Variants in ZNF667 observed in about 807,000 individuals in gnomAD.
ZNF667 encodes the protein zinc finger protein 667.
Under a neutral mutation model 31.8 loss-of-function variants are expected in ZNF667, and 13 were observed. That is an observed-to-expected ratio of 0.41 (90% CI 0.27 to 0.65). The LOEUF is 0.65. Among genes scored for constraint, ZNF667 ranks in the 30% least tolerant of loss-of-function variants. The pLI, the probability that ZNF667 is intolerant of heterozygous loss-of-function variation, is 0.32. For missense variants in ZNF667, 642 were observed against 725.6 expected, an observed-to-expected ratio of 0.88 and a Z score of 1.32; for synonymous variants, 228 against 247.1, an observed-to-expected ratio of 0.92 and a Z score of 0.73.
At chr19:56,447,676 T>C (rs924881314) in intron 6 of ZNF667, among the ~76,000 whole-genome samples, 2 of 149,604 alleles carry the variant, frequency 1.3e-5, no homozygotes, top group African/African-American at 4.9e-5. Context: ...AGGTCAGGAG[T>C]TCAAGACTAT....
At chr19:56,468,951 T>C (rs1280172159) in intron 3 of ZNF667, 1 of 152,170 alleles carries the variant, frequency 6.6e-6, no homozygotes, top group Non-Finnish European at 1.5e-5. Context: ...AGAGAATAAA[T>C]GAGTGTAGCT....
At chr19:56,444,339 A>G in intron 6 of ZNF667, 1 of 397,954 alleles carries the variant, frequency 2.5e-6, no homozygotes, top group Non-Finnish European at 4.4e-6. Flanking sequence ...AAACAAGGAG[A>G]GAGAGTGTGG....
chr19:56,474,582 G>T (rs66718632), intron 1 of ZNF667: 20,810 of 152,368 alleles, frequency 0.14, 1,485 homozygotes, highest in Middle Eastern at 0.17. Flanking sequence ...CAGCTGTGAG[G>T]ACTGTTTTTG....
intron 3 of ZNF667, among the ~76,000 whole-genome samples, chr19:56,464,641 T>C (rs893577668): frequency 3.9e-5 from 6 of 152,240 alleles, no homozygotes; most frequent in South Asian, 2.1e-4. Flanking sequence ...TCTTATTGTA[T>C]TGCCCCATTT....
intron 6 of ZNF667, among the ~76,000 whole-genome samples, chr19:56,451,133 GA>G (rs958822627): frequency 3.8e-4 from 58 of 151,352 alleles, no homozygotes; most frequent in African/African-American, 9.9e-4. Flanking sequence ...TAAAGGGAGG[GA>G]AAAAAAATCC....
At position 56,441,759 on chromosome 19, in the gene ZNF667, CT is replaced by C; in HGVS notation, c.1235del (p.Lys412ArgfsTer187). ...CACATTCCTTACACTCAAATAGTTT[CT>C]TTTTCTTTGTATGAACTTTCTGATG... ...IQHQKVHTKK[K>X]KLFECKECGK... On this transcript the variant is annotated frameshift_variant, in exon 7 of 7. Coordinates refer to ENST00000504904, the MANE Select transcript of ZNF667 (RefSeq NM_001321356.2). LOFTEE classifies it high-confidence loss of function. This position sits in a 1 kb window ranked among gnomAD's most constrained non-coding sequence, Gnocchi z 4.2. 6.2e-7 allele frequency: 1 copy of C among 1,614,018 alleles called. No individual in the cohort carries two copies. The highest frequency in any genetic ancestry group is 1.1e-5 in the South Asian group (1 of 91,064).
intron 3 of ZNF667, among the ~76,000 whole-genome samples, chr19:56,469,140 C>T (rs1205062787): frequency 1.3e-5 from 2 of 152,138 alleles, no homozygotes; most frequent in Non-Finnish European, 2.9e-5. Flanking sequence ...ATGAAGAGGT[C>T]GGCTGGTGAT....
chr19:56,471,267 T>C (rs1441920615), intron 3 of ZNF667, among the ~76,000 whole-genome samples: 2 of 152,182 alleles, frequency 1.3e-5, no homozygotes, highest in Non-Finnish European at 2.9e-5. Context: ...CTATGTTTCC[T>C]GTACAACCTG....
intron 6 of ZNF667, among the ~76,000 whole-genome samples, chr19:56,445,996 A>T (rs1019095847): frequency 2.0e-5 from 3 of 152,162 alleles, no homozygotes; most frequent in Non-Finnish European, 4.4e-5. Context: ...TCCAACACTG[A>T]GGATTAAATT....
At chr19:56,478,003 T>A (rs943772671), upstream of ZNF667, 2 of 152,424 alleles carry the variant, frequency 1.3e-5, no homozygotes, top group African/African-American at 4.8e-5. Context: ...AGCGGAGGGA[T>A]GTTTCTTTTG....
chr19:56,440,638 T>TG lies in ZNF667; in HGVS notation c.*523_*524insC. ...AACTATGCTGGAAGTAAAATATCGGTAATTTTTTTTTTTTTTGACACAGAG... is the reference window on the plus strand; with the variant it reads ...AACTATGCTGGAAGTAAAATATCGGTGAATTTTTTTTTTTTTTGACACAGAG... On this transcript the variant is annotated 3_prime_UTR_variant, in exon 7 of 7. Coordinates refer to ENST00000504904, the MANE Select transcript of ZNF667 (RefSeq NM_001321356.2). The TG allele has an allele frequency of 1.1e-6, 1 of 888,368 alleles. No homozygotes were observed. Among genetic ancestry groups the TG allele is most frequent in the Non-Finnish European group, 1.3e-6 (1 of 765,300 alleles). 55.0% of individuals were successfully genotyped at this position (888,368 alleles called of 1,614,324 possible). A position where few individuals can be genotyped will look rare whatever the true frequency, so the allele number is the denominator to read the frequency against.
At chr19:56,463,529 C>CCCTTTT (rs1209828447) in intron 3 of ZNF667, among the ~76,000 whole-genome samples, 8 of 152,102 alleles carry the variant, frequency 5.3e-5, no homozygotes, top group African/African-American at 1.4e-4. Context: ...TCATTTTCTT[C>CCCTTTT]CCTTTTTTTT....
In ZNF667 at chr19:56,442,018, A is replaced by G. The variant is rs766021459; in HGVS notation, c.977T>C (p.Leu326Ser). 6.2e-7 allele frequency: 1 copy of G among 1,614,108 alleles called. No individual in the cohort carries two copies. Among genetic ancestry groups the G allele is most frequent in the Non-Finnish European group, 8.5e-7 (1 of 1,179,998 alleles). Residue 326 changes from leucine to serine, a missense_variant, in exon 7 of 7, where the codon TTA becomes TCA. Coordinates refer to ENST00000504904, the MANE Select transcript of ZNF667 (RefSeq NM_001321356.2). ...TTTTCTGCATTTAAAAGGATTCTCT[A>G]AATGGTGACTTCTTTGCTGTAGACT... Reference protein sequence around the residue: ...SQSLQQRSHHLENPFKCRKCG... With the variant: ...SQSLQQRSHHSENPFKCRKCG...
Position 56,460,749 on chromosome 19 carries a change from T to TG in ZNF667, c.99dup (p.Ile34HisfsTer7). The stretch of plus-strand genomic sequence containing the variant: ...ACATCTTCATACAAATCCTTCTGAA[T>TG]GGGGCTCAGCCATTCCCACTCCTCC... On this transcript the variant is annotated frameshift_variant, in exon 5 of 7. Coordinates refer to ENST00000504904, the MANE Select transcript of ZNF667 (RefSeq NM_001321356.2). LOFTEE classifies it high-confidence loss of function. 1 of 1,613,246 alleles carries TG rather than the reference T, an allele frequency of 6.2e-7. No individual in the cohort carries two copies. Among genetic ancestry groups the TG allele is most frequent in the Non-Finnish European group, 8.5e-7 (1 of 1,179,720 alleles).
chr19:56,477,115 C>A (rs1179771462), intron 1 of ZNF667, 157 bp downstream of exon 1: 1 of 152,278 alleles, frequency 6.6e-6, no homozygotes, highest in Non-Finnish European at 1.5e-5. Flanking sequence ...CGAGAACCCA[C>A]GCAGGCGCGA....
intron 6 of ZNF667, among the ~76,000 whole-genome samples, chr19:56,453,820 T>A (rs1189835751): frequency 1.3e-5 from 2 of 152,144 alleles, no homozygotes; most frequent in African/African-American, 2.4e-5. Flanking sequence ...ACATTCAACA[T>A]AGCACTGGAA....
Position 56,468,689 on chromosome 19 carries a change from T to C in ZNF667, c.-60+3010A>G, listed in dbSNP as rs2043219707. ...TATTTTGGGTTCACAGACATCACTT[T>C]AGAAATTGTAAGATTTCAGGAGTTT... On this transcript the variant is annotated intron_variant, in intron 3 of 6. Coordinates refer to ENST00000504904, the MANE Select transcript of ZNF667 (RefSeq NM_001321356.2). 3 of 152,244 alleles carry C rather than the reference T, an allele frequency of 2.0e-5. No homozygotes were observed. In the South Asian group the frequency reaches 6.2e-4, roughly 31 times the overall value. 9.4% of individuals were successfully genotyped at this position (152,244 alleles called of 1,614,324 possible). A position where few individuals can be genotyped will look rare whatever the true frequency, so the allele number is the denominator to read the frequency against.
chr19:56,469,333 G>A (rs962827333), intron 3 of ZNF667, among the ~76,000 whole-genome samples: 1 of 152,166 alleles, frequency 6.6e-6, no homozygotes. Flanking sequence ...AGGGTGAGGC[G>A]GCCCCCAGTG....
At chr19:56,454,458 C>T (rs2042893513) in intron 6 of ZNF667, among the ~76,000 whole-genome samples, 1 of 151,958 alleles carries the variant, frequency 6.6e-6, no homozygotes, top group South Asian at 2.1e-4. Flanking sequence ...ATCAAAACAG[C>T]TTGGTACTGA....
Sources: allele counts gnomAD v4.1 joint callset (sites outside exome capture counted in the v4.1 genomes callset), GRCh38; gene constraint gnomAD v4.1.1; non-coding constraint Gnocchi (gnomAD v3.1); transcripts MANE v1.5; gene names NCBI Gene and HGNC (gene_info 2026-07-23, HGNC 2026-07-21).